The following TRAPPC2 variants were observed in gnomAD, a reference collection of about 807,000 sequenced individuals.
TRAPPC2 encodes sedlin.
Under a neutral mutation model 10.0 loss-of-function variants are expected in TRAPPC2, and 4 were observed. That is an observed-to-expected ratio of 0.40 (90% CI 0.20 to 0.92). TRAPPC2 has a LOEUF of 0.92. Ranked by LOEUF, TRAPPC2 falls within the 40% of genes least tolerant of loss-of-function variation. TRAPPC2 has a pLI of 0.35. For synonymous variants in TRAPPC2, 36 were observed against 37.3 expected (o/e 0.97, Z 0.12); for missense variants, 52 against 108.7 (o/e 0.48, Z 2.32).
At chrX:13,723,190 G>C (rs1272121422) in intron 2 of TRAPPC2, among the ~76,000 whole-genome samples, 1 of 110,668 alleles carries the variant, frequency 9.0e-6, no homozygotes, top group Non-Finnish European at 1.9e-5. Context: ...CACAGTACTA[G>C]ACAGCACAGC....
chrX:13,714,939 A>C (rs763510928), intron 5 of TRAPPC2, among the ~76,000 whole-genome samples: 4 of 112,645 alleles, frequency 3.6e-5, no homozygotes, highest in Non-Finnish European at 5.6e-5. Flanking sequence ...CTTTAACACA[A>C]GACTGCTAAA....
chrX:13,734,462 G>A (rs765767289), intron 1 of TRAPPC2, 63 bp downstream of exon 1: 3 of 223,484 alleles, frequency 1.3e-5, no homozygotes, highest in Non-Finnish European at 2.4e-5. Flanking sequence ...GTCACGCAGG[G>A]GCTACGAAGT....
At chrX:13,730,356 A>C (rs760174311) in intron 2 of TRAPPC2, among the ~76,000 whole-genome samples, 1 of 112,400 alleles carries the variant, frequency 8.9e-6, no homozygotes, top group African/African-American at 3.2e-5. Flanking sequence ...GCAAATCAAA[A>C]CCACAAAGAG....
rs1314180265 is a variant in TRAPPC2, at chrX:13,712,609, A to T, written c.*1798T>A. ...GTTTACTGTCTGAGGGAAAGGAAAT[A>T]TAAGAATATAAAGTGACAGAAGCAA... On this transcript the variant is annotated 3_prime_UTR_variant, in exon 6 of 6. Coordinates refer to ENST00000380579, the MANE Select transcript of TRAPPC2 (RefSeq NM_001011658.4). 1.8e-5 allele frequency: 2 copies of T among 112,248 alleles called. No homozygotes were observed. Among genetic ancestry groups the T allele is most frequent in the African/African-American group, 6.5e-5 (2 of 30,863 alleles). 9.3% of individuals were successfully genotyped at this position (112,248 alleles called of 1,213,427 possible).
chrX:13,731,153 G>T (rs1224505815), intron 2 of TRAPPC2, among the ~76,000 whole-genome samples: 1 of 112,205 alleles, frequency 8.9e-6, no homozygotes, highest in Non-Finnish European at 1.9e-5. Flanking sequence ...TAACAAATGT[G>T]ATTGCATAAC....
chrX:13,723,463 C>T (rs1283725194), intron 2 of TRAPPC2, among the ~76,000 whole-genome samples: 5 of 111,737 alleles, frequency 4.5e-5, no homozygotes, highest in East Asian at 5.6e-4. Flanking sequence ...CCACCATGCC[C>T]GGCCTGATTC....
At chrX:13,722,537 C>G (rs978839711) in intron 2 of TRAPPC2, among the ~76,000 whole-genome samples, 14 of 111,637 alleles carry the variant, frequency 1.3e-4, no homozygotes, top group African/African-American at 4.2e-4. Context: ...TCATTCAGTT[C>G]TGCCAAGGAA....
At chrX:13,727,380 AC>A (rs763122226) in intron 2 of TRAPPC2, among the ~76,000 whole-genome samples, 66 of 112,615 alleles carry the variant, frequency 5.9e-4, no homozygotes, top group African/African-American at 1.6e-3. Context: ...GTAAAAGAAC[AC>A]AAATCACAAA....
chrX:13,728,490 C>T (rs754213609), intron 2 of TRAPPC2, among the ~76,000 whole-genome samples: 27 of 111,867 alleles, frequency 2.4e-4, no homozygotes, highest in African/African-American at 7.8e-4. Context: ...ACAGAACCAA[C>T]GACAAAATCC....
rs756413153 is a variant in TRAPPC2 at position 13,712,856 on chromosome X, T to C, written c.*1551A>G. ...ATGCATAATGTCAACGTATGTGCTA[T>C]CACATTTCACTCCCAACTGCAGAAT... On this transcript the variant is annotated 3_prime_UTR_variant, in exon 6 of 6. Transcript: ENST00000380579. 1.5e-4 allele frequency: 17 copies of C among 112,324 alleles called. No individual in the cohort carries two copies. The highest frequency in any genetic ancestry group is 2.4e-4 in the Non-Finnish European group (13 of 53,290). The allele number at this position is 112,324 out of a possible 1,213,427, so 9.3% of individuals were successfully genotyped here.
rs1602702790 is a variant in TRAPPC2 at position 13,712,633 on chromosome X, A to C, written c.*1774T>G. 8.9e-6 allele frequency: 1 copy of C among 112,085 alleles called. No individual in the cohort carries two copies. Among genetic ancestry groups the C allele is most frequent in the Non-Finnish European group, 1.9e-5 (1 of 53,209 alleles). 9.2% of individuals were successfully genotyped at this position (112,085 alleles called of 1,213,427 possible). On this transcript the variant is annotated 3_prime_UTR_variant, in exon 6 of 6. Coordinates refer to ENST00000380579, the MANE Select transcript of TRAPPC2 (RefSeq NM_001011658.4). ...TATAAGAATATAAAGTGACAGAAGC[A>C]ACACACTTCACTGTGGCCTGCAACT...
At chrX:13,715,895 A>G (rs2046276375) in intron 5 of TRAPPC2, 109 bp downstream of exon 5, 1 of 1,057,093 alleles carries the variant, frequency 9.5e-7, no homozygotes, top group South Asian at 2.4e-5. Flanking sequence ...GGGGAAAGCT[A>G]GTCTGAAAGG....
chrX:13,716,402 C>CA (rs1230164426), intron 4 of TRAPPC2, 132 bp downstream of exon 4: 7 of 824,975 alleles, frequency 8.5e-6, no homozygotes, highest in Non-Finnish European at 1.2e-5. Flanking sequence ...AAAGTAGCCC[C>CA]ATAAATGGAA....
At chrX:13,715,881 G>C (rs2046276027) in intron 5 of TRAPPC2, 123 bp downstream of exon 5, 2 of 1,038,821 alleles carry the variant, frequency 1.9e-6, no homozygotes, top group South Asian at 5.1e-5. Context: ...AGATAGTTCT[G>C]ATGGGGGAAA....
In TRAPPC2 at chrX:13,722,208, C is replaced by CA. The variant is rs748574644; in HGVS notation, c.-19-2227dup. On this transcript the variant is annotated intron_variant, in intron 2 of 5. Coordinates refer to ENST00000380579, the MANE Select transcript of TRAPPC2 (RefSeq NM_001011658.4). Reference sequence around the variant, plus strand: ...TTTCTTCAGTACATTTAAGCAGCAGCAAAAAAAAAAAAAAAAAAAAAAAAA... The same window carrying CA: ...TTTCTTCAGTACATTTAAGCAGCAGCAAAAAAAAAAAAAAAAAAAAAAAAAA... 8.7e-3 allele frequency: 315 copies of CA among 36,071 alleles called. 12 individuals carry two copies. The highest frequency in any genetic ancestry group is 0.014 in the Middle Eastern group (1 of 73). 3.0% of individuals were successfully genotyped at this position (36,071 alleles called of 1,213,427 possible).
chrX:13,721,957 C>T (rs1602722265), intron 2 of TRAPPC2: 1 of 109,776 alleles, frequency 9.1e-6, no homozygotes, highest in Admixed American at 9.8e-5. Context: ...AATGTTTGCC[C>T]CTGTTTTAGG....
chrX:13,724,837 C>T (rs896278662), intron 2 of TRAPPC2, among the ~76,000 whole-genome samples: 6 of 112,662 alleles, frequency 5.3e-5, no homozygotes, highest in African/African-American at 1.9e-4. Flanking sequence ...GGGGATTTCC[C>T]TCTCCTAGCC....
chrX:13,731,747 A>G (rs1317135080), intron 2 of TRAPPC2, among the ~76,000 whole-genome samples: 2 of 112,133 alleles, frequency 1.8e-5, no homozygotes, highest in East Asian at 2.8e-4. Context: ...CTCCGTGTCA[A>G]TTTATGGCAC....
chrX:13,719,864 T>C lies in TRAPPC2; in HGVS notation c.93+7A>G, dbSNP rs374796724. ...ATCATTACAATAGCATAAAAATTCT[T>C]ACGTACTTTGGATTCTGCCTTCCCA... On this transcript the variant is annotated splice_region_variant and intron_variant, in intron 3 of 5. Transcript: ENST00000380579. 147 of 1,159,634 alleles carry C rather than the reference T, an allele frequency of 1.3e-4. No homozygotes were observed. Among genetic ancestry groups the C allele is most frequent in the Non-Finnish European group, 1.7e-4 (144 of 857,961 alleles).
Sources: allele counts gnomAD v4.1 joint callset (sites outside exome capture counted in the v4.1 genomes callset), GRCh38; gene constraint gnomAD v4.1.1; transcripts MANE v1.5; gene names NCBI Gene and HGNC (gene_info 2026-07-23, HGNC 2026-07-21).